Variants in SLC27A1 observed in about 807,000 individuals in gnomAD.
SLC27A1 encodes long-chain fatty acid transport protein 1.
Under a neutral mutation model 62.2 loss-of-function variants are expected in SLC27A1, and 61 were observed. The ratio of observed to expected loss-of-function variants is 0.98; its 90% CI spans 0.80 to 1.21. The LOEUF is 1.21. Ranked by LOEUF, SLC27A1 falls within the 50% of genes most tolerant of loss-of-function variation. The pLI, the probability that SLC27A1 is intolerant of heterozygous loss-of-function variation, is 0.00. For synonymous variants in SLC27A1, 435 were observed against 408.6 expected (o/e 1.06, Z -0.78); for missense variants, 903 against 932.1 (o/e 0.97, Z 0.41).
intron 1 of SLC27A1, among the ~76,000 whole-genome samples, chr19:17,472,769 C>T (rs952689335): frequency 2.0e-5 from 3 of 152,146 alleles, no homozygotes; most frequent in South Asian, 2.1e-4. Context: ...TCACGTAGTC[C>T]GCCTGCCTTG....
Position 17,502,656 on chromosome 19 carries a change from G to A in SLC27A1, c.1783+1237G>A, listed in dbSNP as rs118063981. The stretch of plus-strand genomic sequence containing the variant: ...CACATGAGCCACTGCACCCGGCCTC[G>A]GTGTATCTTTTCTTTTTCTTTTGTT... On this transcript the variant is annotated intron_variant, in intron 11 of 11. Coordinates refer to ENST00000252595, the MANE Select transcript of SLC27A1 (RefSeq NM_198580.3). Among the ~76,000 whole-genome samples the A allele has an allele frequency of 8.6e-3, 1,297 of 151,640 alleles. 7 individuals are homozygous for A. The highest frequency in any genetic ancestry group is 0.024 in the Middle Eastern group (7 of 294).
chr19:17,475,476 A>G (rs1465241472), intron 1 of SLC27A1, among the ~76,000 whole-genome samples: 3 of 152,156 alleles, frequency 2.0e-5, no homozygotes, highest in African/African-American at 7.2e-5. Flanking sequence ...TCAAGGCTGC[A>G]GTGAGCCATG....
intron 2 of SLC27A1, 100 bp downstream of exon 2, chr19:17,487,057 G>C: frequency 6.4e-7 from 1 of 1,562,370 alleles, no homozygotes; most frequent in Non-Finnish European, 8.7e-7. Flanking sequence ...CGGCCGCCCT[G>C]GACGTGGGCA....
rs1472356453 is a variant in SLC27A1 at position 17,497,032 on chromosome 19, C to CA, written c.997-216dup. 38 of 481,764 alleles carry CA rather than the reference C, an allele frequency of 7.9e-5. No individual in the cohort carries two copies. The South Asian group carries it at 1.2e-3, about 15-fold the overall frequency. 29.8% of individuals were successfully genotyped at this position (481,764 alleles called of 1,614,324 possible). ...AGGGAGACCCCCAACCAAAAAACAA[C>CA]AAAAAAAGCTGCATCCTAGACCCTT... On this transcript the variant is annotated intron_variant, in intron 6 of 11. Transcript: ENST00000252595.
intron 6 of SLC27A1, among the ~76,000 whole-genome samples, chr19:17,489,465 C>G (rs762076181): frequency 6.7e-6 from 1 of 148,770 alleles, no homozygotes; most frequent in Admixed American, 6.8e-5. Context: ...AGAGCTAAAC[C>G]CTCCACGTGT....
At chr19:17,495,616 A>C (rs1599666751) in intron 6 of SLC27A1, 1 of 152,180 alleles carries the variant, frequency 6.6e-6, no homozygotes, top group African/African-American at 2.4e-5. Context: ...TTGGCTGAGG[A>C]GGGGCTGGGC....
At chr19:17,483,098 G>T (rs1599648212) in intron 1 of SLC27A1, among the ~76,000 whole-genome samples, 1 of 152,132 alleles carries the variant, frequency 6.6e-6, no homozygotes, top group Non-Finnish European at 1.5e-5. Flanking sequence ...AGGAGGGAAT[G>T]AATGAATGAG....
intron 11 of SLC27A1, chr19:17,503,538 C>T (rs1408951057): frequency 6.6e-6 from 1 of 152,074 alleles, no homozygotes; most frequent in South Asian, 2.1e-4. Flanking sequence ...TAGTTTACTG[C>T]AGTCTTCTCC....
chr19:17,484,137 CTGAA>C (rs749210562), intron 1 of SLC27A1: 9 of 152,040 alleles, frequency 5.9e-5, no homozygotes, highest in African/African-American at 1.2e-4. Flanking sequence ...CACCAGCTGC[CTGAA>C]TGAATGAAGG....
intron 3 of SLC27A1, 48 bp from the exon 4 acceptor site, chr19:17,487,412 C>A: frequency 6.5e-7 from 1 of 1,541,158 alleles, no homozygotes; most frequent in South Asian, 1.2e-5. Flanking sequence ...TTCCAGGCCC[C>A]ACCCCCCAAT....
intron 11 of SLC27A1, among the ~76,000 whole-genome samples, chr19:17,503,231 G>A (rs2075436153): frequency 6.6e-6 from 1 of 151,798 alleles, no homozygotes; most frequent in South Asian, 2.1e-4. Flanking sequence ...GATGAGATTT[G>A]GGTGGGGACA....
chr19:17,493,791 A>AT (rs1418427066), intron 6 of SLC27A1, among the ~76,000 whole-genome samples: 1 of 151,402 alleles, frequency 6.6e-6, no homozygotes, highest in South Asian at 2.1e-4. Flanking sequence ...AGCCTAGCTA[A>AT]TTTTTTGTAT....
Position 17,500,300 on chromosome 19 carries a change from GC to G in SLC27A1, c.1231del (p.Arg411AlafsTer12). On this transcript the variant is annotated frameshift_variant, in exon 8 of 12. Coordinates refer to ENST00000252595, the MANE Select transcript of SLC27A1 (RefSeq NM_198580.3). LOFTEE classifies it high-confidence loss of function. ...DGKVGSCGFN[S>X]RILPHVYPIR... Reference sequence around the variant, plus strand: ...CAGGTCGGCTCCTGTGGTTTCAACAGCCGCATCCTGCCCCACGTGTACCCCA... The same window carrying G: ...CAGGTCGGCTCCTGTGGTTTCAACAGCGCATCCTGCCCCACGTGTACCCCA... The G allele has an allele frequency of 6.2e-7, 1 of 1,614,180 alleles. No homozygotes were observed. The highest frequency in any genetic ancestry group is 8.5e-7 in the Non-Finnish European group (1 of 1,179,996).
chr19:17,487,457 C>A lies in SLC27A1; in HGVS notation c.725-3C>A. 1 of 1,604,748 alleles carries A rather than the reference C, an allele frequency of 6.2e-7. No individual in the cohort carries two copies. The highest frequency in any genetic ancestry group is 8.5e-7 in the Non-Finnish European group (1 of 1,177,766). On this transcript the variant is annotated splice_region_variant and splice_polypyrimidine_tract_variant and intron_variant, in intron 3 of 11. Transcript: ENST00000252595. ...CCACCCCTAACACCTGTATCTCCTG[C>A]AGATCGTCTTTTCTACATCTACACG...
At chr19:17,471,687 G>A (rs1286235873) in intron 1 of SLC27A1, among the ~76,000 whole-genome samples, 1 of 152,102 alleles carries the variant, frequency 6.6e-6, no homozygotes, top group Non-Finnish European at 1.5e-5. Flanking sequence ...ATTGTAAGGA[G>A]GGCACAGAGG....
chr19:17,487,334 C>T lies in SLC27A1; in HGVS notation c.723C>T (p.Asp241=), dbSNP rs768330845. Residue 241 remains aspartate, a splice_region_variant and synonymous_variant, in exon 3 of 12, where the codon GAC becomes GAT. Transcript: ENST00000252595. ...CACAGATCCCCAGCAAGGGCATGGA[C>T]GGTGAGTCAAGGGTGGGACCCCTGC... The part of the protein sequence containing the change: ...PLAQIPSKGM[D]DRLFYIYTSG... The T allele has an allele frequency of 2.5e-6, 4 of 1,608,056 alleles. No individual in the cohort carries two copies. Among genetic ancestry groups the T allele is most frequent in the Admixed American group, 3.4e-5 (2 of 59,148 alleles).
At chr19:17,485,773 C>T (rs1397683716) in intron 1 of SLC27A1, among the ~76,000 whole-genome samples, 2 of 151,536 alleles carry the variant, frequency 1.3e-5, no homozygotes, top group Non-Finnish European at 2.9e-5. Flanking sequence ...GAGGGTGAGC[C>T]GAGATTGCAC....
chr19:17,502,109 A>G (rs929008497), intron 11 of SLC27A1, among the ~76,000 whole-genome samples: 7 of 151,422 alleles, frequency 4.6e-5, no homozygotes, highest in East Asian at 2.0e-4. Context: ...GAGTGAGACA[A>G]TGTCTCAAAA....
Position 17,486,669 on chromosome 19 carries a change from C to G in SLC27A1, c.274C>G (p.Arg92Gly), listed in dbSNP as rs1451184858. ...GGCGGTAGTGCAGCGACAGCCCGAG[C>G]GCCTGGCGCTGGTGGATGCCGGGAC... ...FQAVVQRQPE[R>G]LALVDAGTGE... The change falls in exon 2 of 12, where the codon CGC (arginine) becomes GGC (glycine). Residue 92 changes from arginine to glycine, a missense_variant. Physicochemically the swap from Arg to Gly is moderately radical, Grantham distance 125. Coordinates refer to ENST00000252595, the MANE Select transcript of SLC27A1 (RefSeq NM_198580.3). This position sits in a 1 kb window ranked among gnomAD's most constrained non-coding sequence, Gnocchi z 6.6. The G allele has an allele frequency of 1.2e-6, 2 of 1,609,590 alleles. No homozygotes were observed. Among genetic ancestry groups the G allele is most frequent in the South Asian group, 2.2e-5 (2 of 90,986 alleles).
Sources: allele counts gnomAD v4.1 joint callset (sites outside exome capture counted in the v4.1 genomes callset), GRCh38; gene constraint gnomAD v4.1.1; non-coding constraint Gnocchi (gnomAD v3.1); transcripts MANE v1.5; gene names NCBI Gene and HGNC (gene_info 2026-07-23, HGNC 2026-07-21).